The following NRXN1 variants were observed in gnomAD, a reference collection of about 807,000 sequenced individuals.
The protein encoded by NRXN1 is neurexin 1.
NRXN1 carries 39 observed loss-of-function variants against 150.9 expected under a neutral mutation model. The ratio of observed to expected loss-of-function variants is 0.26; its 90% CI spans 0.20 to 0.34. NRXN1 has a LOEUF of 0.34. Ranked by LOEUF, NRXN1 falls within the 10% of genes least tolerant of loss-of-function variation. The pLI is 1.00. For synonymous variants in NRXN1, 924 were observed against 757.0 expected (o/e 1.22, Z -3.62); for missense variants, 1,815 against 1,949.9 (o/e 0.93, Z 1.30).
At chr2:50,897,924 C>A (rs370918339) in intron 5 of NRXN1, among the ~76,000 whole-genome samples, 42 of 150,870 alleles carry the variant, frequency 2.8e-4, no homozygotes, top group African/African-American at 9.7e-4. Context: ...TTGATGATAG[C>A]AAAAACAAAA....
intron 5 of NRXN1, among the ~76,000 whole-genome samples, chr2:50,809,323 C>T (rs1039859134): frequency 1.3e-5 from 2 of 152,032 alleles, no homozygotes; most frequent in Admixed American, 6.6e-5. Context: ...TAAGCCCAAA[C>T]ATTTTTAAAT....
At chr2:50,495,236 A>G (rs1223739537) in intron 15 of NRXN1, among the ~76,000 whole-genome samples, 2 of 152,130 alleles carry the variant, frequency 1.3e-5, no homozygotes, top group East Asian at 1.9e-4. Context: ...CTCTTCTATT[A>G]TTGACATGTT....
chr2:50,002,179 A>G (rs1684064564), intron 21 of NRXN1, among the ~76,000 whole-genome samples: 1 of 152,116 alleles, frequency 6.6e-6, no homozygotes, highest in African/African-American at 2.4e-5. Context: ...CAGTCAGACC[A>G]CATGAACTGT....
chr2:50,197,773 A>T (rs1449427725), intron 18 of NRXN1, among the ~76,000 whole-genome samples: 3 of 152,084 alleles, frequency 2.0e-5, no homozygotes, highest in African/African-American at 7.2e-5. Context: ...TTTCATCAAT[A>T]AATAAAGAGA....
intron 17 of NRXN1, among the ~76,000 whole-genome samples, chr2:50,361,056 T>C (rs2079152291): frequency 6.6e-6 from 1 of 152,190 alleles, no homozygotes; most frequent in South Asian, 2.1e-4. Context: ...AGATGTTCTT[T>C]GAAACCAGTG....
chr2:50,129,791 C>A (rs1292047580), intron 18 of NRXN1, among the ~76,000 whole-genome samples: 1 of 151,896 alleles, frequency 6.6e-6, no homozygotes, highest in Admixed American at 6.6e-5. Flanking sequence ...TTGGCCACTC[C>A]AAAAAACAAC....
At chr2:50,239,971 A>T (rs1323505510) in intron 17 of NRXN1, among the ~76,000 whole-genome samples, 1 of 151,304 alleles carries the variant, frequency 6.6e-6, no homozygotes, top group Non-Finnish European at 1.5e-5. Flanking sequence ...CACTTCCCAA[A>T]CCTATGGAAC....
chr2:50,494,744 C>G (rs1227588722), intron 15 of NRXN1, among the ~76,000 whole-genome samples: 1 of 152,120 alleles, frequency 6.6e-6, no homozygotes, highest in African/African-American at 2.4e-5. Context: ...AGAAAGAGTT[C>G]TGTTGAGGCT....
At chr2:50,042,051 T>C (rs1179040195) in intron 21 of NRXN1, among the ~76,000 whole-genome samples, 1 of 152,208 alleles carries the variant, frequency 6.6e-6, no homozygotes, top group Non-Finnish European at 1.5e-5. Context: ...ATCCACCCCT[T>C]TTTCTTAAAT....
At chr2:50,623,164 TG>T in intron 6 of NRXN1, 149 bp downstream of exon 6, 1 of 622,216 alleles carries the variant, frequency 1.6e-6, no homozygotes, top group Non-Finnish European at 2.8e-6. Flanking sequence ...TGCTCAAGTA[TG>T]GCAGGAAGAT....
intron 17 of NRXN1, among the ~76,000 whole-genome samples, chr2:50,433,777 G>C (rs2085180874): frequency 6.6e-6 from 1 of 151,590 alleles, no homozygotes; most frequent in African/African-American, 2.4e-5. Flanking sequence ...AGAGGGGAAA[G>C]GAAAGAAAGG....
At chr2:50,566,934 C>A (rs1669967810) in intron 8 of NRXN1, among the ~76,000 whole-genome samples, 1 of 152,100 alleles carries the variant, frequency 6.6e-6, no homozygotes, top group Admixed American at 6.5e-5. Flanking sequence ...TATCCCTTTT[C>A]TCTTTTTCGA....
chr2:50,244,957 T>C (rs945069512), intron 17 of NRXN1, among the ~76,000 whole-genome samples: 5 of 151,932 alleles, frequency 3.3e-5, no homozygotes, highest in African/African-American at 1.2e-4. Flanking sequence ...TGTGTGTATA[T>C]GTATTTTCTT....
At position 50,190,304 on chromosome 2, in the gene NRXN1, A is replaced by G. The variant is rs112251536; in HGVS notation, c.3546+46485T>C. ...CTTAAAGTGGAGGTACAATTACACT[A>G]CATAAATTAGTTGAGAATGCCACAC... On this transcript the variant is annotated intron_variant, in intron 18 of 22. Coordinates refer to ENST00000401669, the MANE Select transcript of NRXN1 (RefSeq NM_001330078.2). Among the ~76,000 whole-genome samples the G allele has an allele frequency of 5.1e-3, 774 of 152,270 alleles. 13 individuals carry two copies. The highest frequency in any genetic ancestry group is 0.018 in the African/African-American group (735 of 41,562).
chr2:50,777,326 C>A (rs1703784994), intron 5 of NRXN1, among the ~76,000 whole-genome samples: 1 of 151,992 alleles, frequency 6.6e-6, no homozygotes, highest in African/African-American at 2.4e-5. Context: ...TTATGGTATA[C>A]AATTTTCTAT....
chr2:50,859,500 CA>C (rs1559360665), intron 5 of NRXN1, among the ~76,000 whole-genome samples: 2 of 151,156 alleles, frequency 1.3e-5, no homozygotes, highest in Admixed American at 1.3e-4. Flanking sequence ...TTCAAAGAAA[CA>C]GAAGGGGTGC....
chr2:50,358,429 G>A (rs931072802), intron 17 of NRXN1, among the ~76,000 whole-genome samples: 16 of 152,184 alleles, frequency 1.1e-4, no homozygotes, highest in African/African-American at 3.6e-4. Context: ...GCTTGAGTAG[G>A]TGGTTTTCCC....
chr2:50,857,998 A>G (rs1447195266), intron 5 of NRXN1, among the ~76,000 whole-genome samples: 2 of 151,954 alleles, frequency 1.3e-5, no homozygotes, highest in African/African-American at 2.4e-5. Flanking sequence ...GGTTACAGCT[A>G]TGGGTATCAG....
intron 17 of NRXN1, among the ~76,000 whole-genome samples, chr2:50,311,660 C>T (rs1367375852): frequency 6.6e-6 from 1 of 151,988 alleles, no homozygotes; most frequent in Non-Finnish European, 1.5e-5. Context: ...TAATATGCAG[C>T]CACTGATCTT....
Sources: allele counts gnomAD v4.1 joint callset (sites outside exome capture counted in the v4.1 genomes callset), GRCh38; gene constraint gnomAD v4.1.1; transcripts MANE v1.5; gene names NCBI Gene and HGNC (gene_info 2026-07-23, HGNC 2026-07-21).